The following REC114 variants were observed in gnomAD, a reference collection of about 807,000 sequenced individuals.
REC114 encodes the protein REC114 meiotic recombination protein, also known as meiotic recombination protein REC114.
A neutral mutation model predicts 31.3 loss-of-function variants in REC114; 27 were observed. The ratio of observed to expected loss-of-function variants is 0.86; its 90% CI spans 0.64 to 1.19. REC114 has a LOEUF of 1.19. Among genes scored for constraint, REC114 ranks in the 50% most tolerant of loss-of-function variants. The pLI, the probability that REC114 is intolerant of heterozygous loss-of-function variation, is 0.00. For synonymous variants in REC114, 134 were observed against 127.7 expected, an observed-to-expected ratio of 1.05 and a Z score of -0.33; for missense variants, 344 against 326.9, an observed-to-expected ratio of 1.05 and a Z score of -0.40.
chr15:73,479,470 T>C (rs1477051518), intron 2 of REC114, among the ~76,000 whole-genome samples: 1 of 152,114 alleles, frequency 6.6e-6, no homozygotes, highest in Non-Finnish European at 1.5e-5. Context: ...TTCTAGCAGA[T>C]TTCAAATATA....
At chr15:73,474,516 G>A (rs1893182648) in intron 2 of REC114, among the ~76,000 whole-genome samples, 1 of 152,148 alleles carries the variant, frequency 6.6e-6, no homozygotes, top group South Asian at 2.1e-4. Flanking sequence ...CAAAGGAATT[G>A]TACAAGAAAG....
chr15:73,471,056 C>T (rs947864434), intron 1 of REC114, among the ~76,000 whole-genome samples: 1 of 151,978 alleles, frequency 6.6e-6, no homozygotes, highest in African/African-American at 2.4e-5. Flanking sequence ...AGATAGGGAG[C>T]TATTGCAGGG....
chr15:73,536,666 T>A (rs1894160669), intron 2 of REC114, among the ~76,000 whole-genome samples: 1 of 152,224 alleles, frequency 6.6e-6, no homozygotes. Flanking sequence ...TTGAAATTTA[T>A]GTATGGCAAG....
At position 73,506,706 on chromosome 15, in the gene REC114, T is replaced by G. The variant is rs539692597; in HGVS notation, c.249+32785T>G. Among the ~76,000 whole-genome samples the G allele has an allele frequency of 2.6e-5, 4 of 152,302 alleles. No homozygotes were observed. The East Asian group carries it at 7.7e-4, about 29-fold the overall frequency. On this transcript the variant is annotated intron_variant, in intron 2 of 5. Transcript: ENST00000331090. ...GGGGATAAGTGTAAATGAATGAGTTTTATAAGTCTCATCTCTATACTCAAG... is the reference window on the plus strand; with the variant it reads ...GGGGATAAGTGTAAATGAATGAGTTGTATAAGTCTCATCTCTATACTCAAG...
chr15:73,461,964 C>T (rs1288480733), intron 1 of REC114, among the ~76,000 whole-genome samples: 1 of 115,694 alleles, frequency 8.6e-6, no homozygotes, highest in Non-Finnish European at 1.7e-5. Flanking sequence ...CAGAGTCTTA[C>T]TCTGTCACCC....
intron 2 of REC114, among the ~76,000 whole-genome samples, chr15:73,477,134 CG>C (rs1893225727): frequency 6.6e-6 from 1 of 152,140 alleles, no homozygotes; most frequent in South Asian, 2.1e-4. Context: ...CATCTTTTCA[CG>C]TATTTGCCAT....
chr15:73,556,813 G>A (rs1018776097), intron 5 of REC114, among the ~76,000 whole-genome samples: 2 of 152,254 alleles, frequency 1.3e-5, no homozygotes, highest in East Asian at 1.9e-4. Context: ...TGGGTAGATT[G>A]TTAGTACTCA....
intron 4 of REC114, among the ~76,000 whole-genome samples, chr15:73,553,294 G>A (rs562642446): frequency 6.6e-6 from 1 of 152,288 alleles, no homozygotes; most frequent in South Asian, 2.1e-4. Flanking sequence ...ATGTCTTAAT[G>A]CTGAAGCTGC....
At chr15:73,540,453 C>G in intron 2 of REC114, 32 bp from the exon 3 acceptor site, 1 of 1,506,058 alleles carries the variant, frequency 6.6e-7, no homozygotes, top group Non-Finnish European at 9.2e-7. Flanking sequence ...ATTTTTGTTT[C>G]TGTTGCTAAT....
chr15:73,544,874 C>G (rs1030499780), intron 3 of REC114, among the ~76,000 whole-genome samples: 4 of 152,138 alleles, frequency 2.6e-5, no homozygotes, highest in Admixed American at 6.5e-5. Flanking sequence ...TTCTTACCAA[C>G]CTGGGTGATG....
At chr15:73,487,736 T>C (rs1893390130) in intron 2 of REC114, among the ~76,000 whole-genome samples, 1 of 152,146 alleles carries the variant, frequency 6.6e-6, no homozygotes, top group African/African-American at 2.4e-5. Context: ...AGTTGTGAGA[T>C]CTCAGGAGTG....
chr15:73,485,335 G>A (rs551391263), intron 2 of REC114, among the ~76,000 whole-genome samples: 23 of 152,138 alleles, frequency 1.5e-4, no homozygotes, highest in Non-Finnish European at 2.8e-4. Flanking sequence ...GCCTGCTTCA[G>A]CCTCCCAAAG....
At chr15:73,512,125 C>T (rs1444514305) in intron 2 of REC114, among the ~76,000 whole-genome samples, 2 of 142,378 alleles carry the variant, frequency 1.4e-5, no homozygotes, top group Non-Finnish European at 3.0e-5. Flanking sequence ...AATCTGGGTG[C>T]TCCTATATTG....
chr15:73,519,512 C>T (rs912905145), intron 2 of REC114, among the ~76,000 whole-genome samples: 1 of 152,148 alleles, frequency 6.6e-6, no homozygotes. Context: ...AACTGGAACC[C>T]TTATACACTG....
At chr15:73,550,877 C>T in intron 3 of REC114, 61 bp from the exon 4 acceptor site, 1 of 1,528,416 alleles carries the variant, frequency 6.5e-7, no homozygotes. Flanking sequence ...CAGTGGAAGA[C>T]CCCAAAGTAA....
intron 1 of REC114, among the ~76,000 whole-genome samples, chr15:73,468,520 T>G (rs2141290849): frequency 6.6e-6 from 1 of 152,268 alleles, no homozygotes; most frequent in South Asian, 2.1e-4. Flanking sequence ...TAAAGACAGT[T>G]TTACTTCTTT....
At chr15:73,467,755 TAACAAGCTATAA>T (rs1350181094) in intron 1 of REC114, among the ~76,000 whole-genome samples, 1 of 152,224 alleles carries the variant, frequency 6.6e-6, no homozygotes, top group East Asian at 1.9e-4. Context: ...AGTGCTGCTG[TAACAAGCTATAA>T]ACTTAGTGGC....
intron 1 of REC114, among the ~76,000 whole-genome samples, chr15:73,459,441 A>G (rs759612463): frequency 2.6e-5 from 4 of 151,948 alleles, no homozygotes; most frequent in Non-Finnish European, 4.4e-5. Flanking sequence ...CATGCTGGCC[A>G]GGCTGTTTTT....
intron 5 of REC114, among the ~76,000 whole-genome samples, chr15:73,558,100 G>A (rs1167767297): frequency 1.3e-5 from 2 of 152,144 alleles, no homozygotes; most frequent in South Asian, 2.1e-4. Context: ...AGCACTTTGG[G>A]GGGCTGAGGC....
Sources: gnomAD v4.1 joint callset for allele counts (sites outside exome capture counted in the v4.1 genomes callset) on GRCh38, gnomAD v4.1.1 for gene constraint, MANE v1.5 for transcripts, NCBI Gene and HGNC (gene_info 2026-07-23, HGNC 2026-07-21) for gene names.